Variants in INAVA observed in about 807,000 individuals in gnomAD.
INAVA encodes the protein innate immunity activator protein.
In INAVA, 32 loss-of-function variants were observed where a neutral mutation model predicts 55.3. The ratio of observed to expected loss-of-function variants is 0.58; its 90% CI spans 0.44 to 0.78. The LOEUF (loss-of-function observed/expected upper bound fraction) is 0.78, where lower values mean the gene tolerates loss of function less well. INAVA is among the 30% of genes least tolerant of loss of function. INAVA has a pLI of 0.00. For missense variants in INAVA, 756 were observed against 786.4 expected, an observed-to-expected ratio of 0.96 and a Z score of 0.46; for synonymous variants, 294 against 329.4, an observed-to-expected ratio of 0.89 and a Z score of 1.16.
chr1:200,903,235 C>T (rs745641524), intron 5 of INAVA: 6 of 152,236 alleles, frequency 3.9e-5, no homozygotes, highest in Non-Finnish European at 8.8e-5. Flanking sequence ...CCTGTAATCC[C>T]AATACTTTTG....
chr1:200,913,565 C>A lies in INAVA; in HGVS notation c.1673C>A (p.Ser558Ter). The A allele has an allele frequency of 6.2e-7, 1 of 1,614,066 alleles. No homozygotes were observed. The highest frequency in any genetic ancestry group is 1.7e-4 in the Middle Eastern group (1 of 6,058). Residue 558 changes from serine to a stop codon, truncating the protein, a stop_gained, in exon 10 of 10, where the codon TCG becomes TAG. Coordinates refer to ENST00000413687, the MANE Select transcript of INAVA (RefSeq NM_001142569.3). LOFTEE classifies it high-confidence loss of function. ...CCCACAGTTTGTGTGCTGCGGAGAT[C>A]GCCTGATGGGGCCCCTGTGCAAGTC... ...QVPTVCVLRR[S>*]PDGAPVQVFV...
Position 200,911,484 on chromosome 1 carries a change from C to T in INAVA, c.991C>T (p.Arg331Ter). 1.9e-6 allele frequency: 3 copies of T among 1,613,338 alleles called. No homozygotes were observed. The highest frequency in any genetic ancestry group is 2.5e-6 in the Non-Finnish European group (3 of 1,179,668). The change falls in exon 9 of 10, where the codon CGA (arginine) becomes TGA (stop). Residue 331 changes from arginine to a stop codon, truncating the protein, a stop_gained. Coordinates refer to ENST00000413687, the MANE Select transcript of INAVA (RefSeq NM_001142569.3). LOFTEE classifies it high-confidence loss of function. ...TTCCTTCCGGGCGGGTCCTGAGGGCCGAGGTCGCAGCGCCTTTCCCCGCCG... is the reference window on the plus strand; with the variant it reads ...TTCCTTCCGGGCGGGTCCTGAGGGCTGAGGTCGCAGCGCCTTTCCCCGCCG... ...VDSFRAGPEG[R>*]GRSAFPRRRP...
intron 4 of INAVA, among the ~76,000 whole-genome samples, 153 bp from the exon 5 acceptor site, chr1:200,900,784 C>T (rs1653213617): frequency 6.6e-6 from 1 of 152,218 alleles, no homozygotes; most frequent in Admixed American, 6.5e-5. Context: ...TCACCCTCTG[C>T]TCCACGTCCG....
chr1:200,901,298 C>T, intron 5 of INAVA, 139 bp downstream of exon 5: 1 of 817,962 alleles, frequency 1.2e-6, no homozygotes, highest in Non-Finnish European at 1.8e-6. Context: ...CCACCCCATC[C>T]TGATTCTCTC....
upstream of INAVA, chr1:200,891,599 C>T (rs181707288): frequency 6.4e-7 from 1 of 1,567,682 alleles, no homozygotes. Context: ...CGCAGGGAGG[C>T]TCGGGGGGAG....
intron 5 of INAVA, among the ~76,000 whole-genome samples, chr1:200,905,797 G>T (rs1653462714): frequency 6.6e-6 from 1 of 152,346 alleles, no homozygotes; most frequent in South Asian, 2.1e-4. Context: ...GCTAACCTCT[G>T]TTGTAAGGGA....
At chr1:200,913,056 T>G (rs1034665116) in intron 9 of INAVA, among the ~76,000 whole-genome samples, 1 of 152,144 alleles carries the variant, frequency 6.6e-6, no homozygotes, top group African/African-American at 2.4e-5. Context: ...ACAAGCTGCT[T>G]CTTTGAGACC....
chr1:200,891,594 G>A (rs1211497384), upstream of INAVA: 1 of 1,573,366 alleles, frequency 6.4e-7, no homozygotes, highest in South Asian at 1.2e-5. Flanking sequence ...CAGGCCGCAG[G>A]GAGGCTCGGG....
Position 200,898,474 on chromosome 1 carries a change from C to T in INAVA, c.55+19C>T. On this transcript the variant is annotated intron_variant, in intron 2 of 9. Transcript: ENST00000413687. ...CAGTCTGGTGAGTGTTCAGGGAAAT[C>T]CCCCTGCCCTAGTCCCTAGTCCCTG... 2 of 1,612,464 alleles carry T rather than the reference C, an allele frequency of 1.2e-6. No individual in the cohort carries two copies. The highest frequency in any genetic ancestry group is 2.2e-5 in the East Asian group (1 of 44,870).
intron 1 of INAVA, among the ~76,000 whole-genome samples, chr1:200,895,290 A>C (rs1668320445): frequency 6.6e-6 from 1 of 151,824 alleles, no homozygotes; most frequent in African/African-American, 2.4e-5. Context: ...TTTCCACCAG[A>C]GGGAGAGCAA....
chr1:200,902,093 C>T (rs184426460), intron 5 of INAVA, among the ~76,000 whole-genome samples: 13 of 152,186 alleles, frequency 8.5e-5, no homozygotes, highest in South Asian at 2.1e-4. Flanking sequence ...CAGAGGGAAC[C>T]GGGAGGGAAT....
chr1:200,909,429 AC>A (rs772826761), intron 8 of INAVA, 32 bp downstream of exon 8: 1 of 1,527,198 alleles, frequency 6.5e-7, no homozygotes, highest in South Asian at 1.3e-5. Context: ...GAGATGGGGG[AC>A]CCACTTAGAG....
At chr1:200,910,546 G>T (rs1653669313) in intron 8 of INAVA, among the ~76,000 whole-genome samples, 1 of 152,128 alleles carries the variant, frequency 6.6e-6, no homozygotes, top group Non-Finnish European at 1.5e-5. Context: ...GGCAGCTTGG[G>T]ACAACTGCTC....
chr1:200,904,609 C>T (rs1490120345), intron 5 of INAVA, among the ~76,000 whole-genome samples: 2 of 152,170 alleles, frequency 1.3e-5, no homozygotes, highest in African/African-American at 2.4e-5. Flanking sequence ...AAATCTCCAC[C>T]GTTACCCCTC....
chr1:200,911,410 TTTCTGCCCCCCACACTCAGAATGCCTCTC>T lies in INAVA; in HGVS notation c.960-40_960-12del. 1 of 1,549,426 alleles carries T rather than the reference TTTCTGCCCCCCACACTCAGAATGCCTCTC, an allele frequency of 6.5e-7. No homozygotes were observed. The highest frequency in any genetic ancestry group is 1.2e-5 in the South Asian group (1 of 84,010). On this transcript the variant is annotated splice_polypyrimidine_tract_variant and intron_variant, in intron 8 of 9. Transcript: ENST00000413687. ...CTCCCGCCCCAACCCCAGTGTGGAGTTTCTGCCCCCCACACTCAGAATGCCTCTCTTTCCCTCTTCAGGGTGGATTCCTT... is the reference window on the plus strand; with the variant it reads ...CTCCCGCCCCAACCCCAGTGTGGAGTTTTCCCTCTTCAGGGTGGATTCCTT...
At chr1:200,899,676 G>T in intron 3 of INAVA, 79 bp downstream of exon 3, 1 of 1,546,402 alleles carries the variant, frequency 6.5e-7, no homozygotes, top group South Asian at 1.2e-5. Context: ...GCGGGAGCTG[G>T]GGAGAGGGAG....
At chr1:200,895,825 A>C (rs1406519447) in intron 1 of INAVA, among the ~76,000 whole-genome samples, 3 of 152,154 alleles carry the variant, frequency 2.0e-5, no homozygotes, top group Non-Finnish European at 4.4e-5. Flanking sequence ...CACAGGAGGA[A>C]AGGAAGCCCC....
Position 200,911,774 on chromosome 1 carries a change from G to A in INAVA, c.1281G>A (p.Leu427=), listed in dbSNP as rs146584568. Residue 427 remains leucine (L), a synonymous_variant, in exon 9 of 10, where the codon CTG becomes CTA. Transcript: ENST00000413687. ...TCGCCCACCACCCCAAGCTACTGCT[G>A]CCGCCTGGCTATTTCCCGGCGGGGC... ...ELVAHHPKLL[L]PPGYFPAGRY... is the part of the protein sequence containing the mutation. 131 of 1,611,364 alleles carry A rather than the reference G, an allele frequency of 8.1e-5. No homozygotes were observed. Among genetic ancestry groups the A allele is most frequent in the Admixed American group, 6.7e-5 (4 of 59,818 alleles).
At chr1:200,897,973 T>C (rs1273181552) in intron 1 of INAVA, among the ~76,000 whole-genome samples, 2 of 152,222 alleles carry the variant, frequency 1.3e-5, no homozygotes, top group East Asian at 3.8e-4. Context: ...CCTTCCTTTT[T>C]ATCCTGTCTC....
Sources: gnomAD v4.1 joint callset for allele counts (sites outside exome capture counted in the v4.1 genomes callset) on GRCh38, gnomAD v4.1.1 for gene constraint, MANE v1.5 for transcripts, NCBI Gene and HGNC (gene_info 2026-07-23, HGNC 2026-07-21) for gene names.